The following EHMT1 variants were observed in gnomAD, a reference collection of about 807,000 sequenced individuals.
EHMT1 encodes histone-lysine N-methyltransferase EHMT1.
In EHMT1, 15 loss-of-function variants were observed where a neutral mutation model predicts 147.2. That is an observed-to-expected ratio of 0.10 (90% CI 0.07 to 0.16). The LOEUF (loss-of-function observed/expected upper bound fraction) is 0.16, where lower values mean the gene tolerates loss of function less well. Ranked by LOEUF, EHMT1 falls within the 10% of genes least tolerant of loss-of-function variation. EHMT1 has a pLI of 1.00. For missense variants in EHMT1, 1,587 were observed against 1,772.4 expected, an observed-to-expected ratio of 0.90 and a Z score of 1.88; for synonymous variants, 795 against 709.6, an observed-to-expected ratio of 1.12 and a Z score of -1.91.
intron 16 of EHMT1, among the ~76,000 whole-genome samples, chr9:137,792,619 C>T (rs1387935731): frequency 6.6e-6 from 1 of 152,140 alleles, no homozygotes; most frequent in Non-Finnish European, 1.5e-5. Flanking sequence ...GCAGGAGAAT[C>T]GATTGAACCC....
chr9:137,753,558 C>T (rs1288722683), intron 7 of EHMT1, among the ~76,000 whole-genome samples: 3 of 152,324 alleles, frequency 2.0e-5, no homozygotes, highest in Admixed American at 6.5e-5. Flanking sequence ...GCGAGGCCCA[C>T]GTGCTGCTGC....
Position 137,813,409 on chromosome 9 carries a change from G to T in EHMT1, c.3059G>T (p.Arg1020Leu), listed in dbSNP as rs376628665. 6.2e-7 allele frequency: 1 copy of T among 1,612,598 alleles called. No homozygotes were observed. Among genetic ancestry groups the T allele is most frequent in the Admixed American group, 1.7e-5 (1 of 59,896 alleles). The change falls in exon 21 of 27, where the codon CGC (arginine) becomes CTC (leucine). Residue 1020 changes from arginine to leucine, a missense_variant. Transcript: ENST00000460843. This position sits in a 1 kb window ranked among gnomAD's most constrained non-coding sequence, Gnocchi z 4.9. ...AGGGACATCGCTCGAGGCTACGAGCGCATCCCCATCCCCTGTGTCAACGCC... is the reference window on the plus strand; with the variant it reads ...AGGGACATCGCTCGAGGCTACGAGCTCATCCCCATCCCCTGTGTCAACGCC... ...VSRDIARGYE[R>L]IPIPCVNAVD...
At position 137,782,633 on chromosome 9, in the gene EHMT1, T is replaced by C. The variant is rs1257317794; in HGVS notation, c.2382+236T>C. Among the ~76,000 whole-genome samples the C allele has an allele frequency of 6.6e-6, 1 of 152,144 alleles. No individual in the cohort carries two copies. Among genetic ancestry groups the C allele is most frequent in the Non-Finnish European group, 1.5e-5 (1 of 68,026 alleles). On this transcript the variant is annotated intron_variant, in intron 15 of 26. Transcript: ENST00000460843. The surrounding 1 kb of genome is among the most constrained non-coding windows in gnomAD (Gnocchi z 5.7). ...AGCATGCCGCCATTTGGCTGTTTCT[T>C]GATTTGCTTTCTTTGGTTTTGGTTT...
Position 137,798,689 on chromosome 9 carries a change from C to T in EHMT1, c.2506-124C>T. 3.6e-6 allele frequency: 3 copies of T among 826,170 alleles called. No homozygotes were observed. In the South Asian group the frequency reaches 4.1e-5, roughly 11 times the overall value. The allele number at this position is 826,170 out of a possible 1,614,324, so 51.2% of individuals were successfully genotyped here. ...TCGGCCTCAGCCTGGGTTTCCTTGT[C>T]ATTTGAGCAGGACAGTACCCCACCC... On this transcript the variant is annotated intron_variant, in intron 16 of 26. Transcript: ENST00000460843.
chr9:137,681,585 C>T (rs1941942245), intron 1 of EHMT1, among the ~76,000 whole-genome samples: 1 of 152,120 alleles, frequency 6.6e-6, no homozygotes, highest in African/African-American at 2.4e-5. Context: ...CCTGCTTGTC[C>T]AGGTGACATC....
intron 1 of EHMT1, among the ~76,000 whole-genome samples, chr9:137,634,297 T>G (rs990971456): frequency 2.0e-5 from 3 of 152,352 alleles, no homozygotes; most frequent in Middle Eastern, 3.4e-3. Context: ...ATTTAAGTCT[T>G]TGATCCGTTT....
At chr9:137,720,980 G>A (rs1435427799) in intron 3 of EHMT1, among the ~76,000 whole-genome samples, 1 of 152,076 alleles carries the variant, frequency 6.6e-6, no homozygotes, top group Non-Finnish European at 1.5e-5. Flanking sequence ...CACCGGCGAT[G>A]TTGCAGTGGC....
In EHMT1 at chr9:137,775,518, G is replaced by T. The variant is rs1248388319; in HGVS notation, c.1791+266G>T. Among the ~76,000 whole-genome samples, 2 of 152,014 alleles carry T rather than the reference G, an allele frequency of 1.3e-5. No homozygotes were observed. Among genetic ancestry groups the T allele is most frequent in the Admixed American group, 1.3e-4 (2 of 15,292 alleles). On this transcript the variant is annotated intron_variant, in intron 11 of 26. Transcript: ENST00000460843. This position sits in a 1 kb window ranked among gnomAD's most constrained non-coding sequence, Gnocchi z 6.1. The stretch of plus-strand genomic sequence containing the variant: ...AGATGACTAGGACGGTGTGACCTGG[G>T]CTTCCAGGCCAGAGGAGGGAAGTGA...
intron 1 of EHMT1, among the ~76,000 whole-genome samples, chr9:137,636,568 C>T (rs955922641): frequency 6.6e-6 from 1 of 151,988 alleles, no homozygotes; most frequent in African/African-American, 2.4e-5. Context: ...GAGGAATTCC[C>T]TTTTATTTCT....
rs984117028 is a variant in EHMT1 at position 137,731,489 on chromosome 9, G to T, written c.823+2960G>T. The stretch of plus-strand genomic sequence containing the variant: ...AGGAGTGCAGATGGAGGAGTCCCCT[G>T]TTAACTGTCCCCGGGGGTGCAGAGT... On this transcript the variant is annotated intron_variant, in intron 4 of 26. Transcript: ENST00000460843. The surrounding 1 kb of genome is among the most constrained non-coding windows in gnomAD (Gnocchi z 4.3). Among the ~76,000 whole-genome samples, 2 of 152,214 alleles carry T rather than the reference G, an allele frequency of 1.3e-5. No homozygotes were observed. Among genetic ancestry groups the T allele is most frequent in the Non-Finnish European group, 2.9e-5 (2 of 68,034 alleles).
At chr9:137,832,282 G>A (rs1956253781) in intron 25 of EHMT1, among the ~76,000 whole-genome samples, 1 of 136,238 alleles carries the variant, frequency 7.3e-6, no homozygotes, top group South Asian at 2.3e-4. Context: ...CTTCCCACGT[G>A]GCCTCTGCAC....
Position 137,678,709 on chromosome 9 carries a change from T to TC in EHMT1, c.22-32248dup, listed in dbSNP as rs35207834. Among the ~76,000 whole-genome samples, 891 of 129,418 alleles carry TC rather than the reference T, an allele frequency of 6.9e-3. 7 individuals are homozygous for TC. Among genetic ancestry groups the TC allele is most frequent in the East Asian group, 0.027 (113 of 4,156 alleles). The allele number at this position is 129,418 out of a possible 152,430, so 84.9% of individuals were successfully genotyped here. On this transcript the variant is annotated intron_variant, in intron 1 of 26. Transcript: ENST00000460843. ...AGGCACAGTAAAAGTTATATGAATG[T>TC]CCCCCCCCCCGCTCCCCCCGAAAAA...
At chr9:137,678,143 A>G (rs1196563981) in intron 1 of EHMT1, among the ~76,000 whole-genome samples, 1 of 152,234 alleles carries the variant, frequency 6.6e-6, no homozygotes, top group Non-Finnish European at 1.5e-5. Context: ...AAAAACTAGT[A>G]TATAATCCAC....
rs557811092 is a variant in EHMT1, at chr9:137,696,076, C to CTT, written c.22-14889_22-14888dup. Among the ~76,000 whole-genome samples, 178 of 93,054 alleles carry CTT rather than the reference C, an allele frequency of 1.9e-3. 2 individuals carry two copies. The highest frequency in any genetic ancestry group is 7.8e-3 in the African/African-American group (175 of 22,298). The allele number at this position is 93,054 out of a possible 152,430, so 61.0% of individuals were successfully genotyped here. On this transcript the variant is annotated intron_variant, in intron 1 of 26. Coordinates refer to ENST00000460843, the MANE Select transcript of EHMT1 (RefSeq NM_024757.5). ...CCCTTAAATGTAATTTCTGGGGCTA[C>CTT]TTTGGATATTAATTGTTTTTTTCCA...
intron 1 of EHMT1, among the ~76,000 whole-genome samples, 152 bp from the exon 2 acceptor site, chr9:137,710,815 G>A (rs1471555847): frequency 2.0e-5 from 3 of 152,154 alleles, no homozygotes; most frequent in East Asian, 1.9e-4. Context: ...TGCTGGAGGC[G>A]ACTGTAACCA....
chr9:137,775,553 G>T lies in EHMT1; in HGVS notation c.1791+301G>T, dbSNP rs979706093. 2.6e-5 allele frequency among the ~76,000 whole-genome samples: 4 copies of T among 151,930 alleles called. No homozygotes were observed. The highest frequency in any genetic ancestry group is 4.4e-5 in the Non-Finnish European group (3 of 67,946). ...CAGAGGAGGGAAGTGAGGGTTGGGG[G>T]TGAAGGTGTCTAAGGCACTGGGGCT... is the stretch of plus-strand genomic sequence containing the variant. On this transcript the variant is annotated intron_variant, in intron 11 of 26. Coordinates refer to ENST00000460843, the MANE Select transcript of EHMT1 (RefSeq NM_024757.5). The surrounding 1 kb of genome is among the most constrained non-coding windows in gnomAD (Gnocchi z 6.1).
chr9:137,748,994 G>T (rs1339125336), intron 6 of EHMT1, among the ~76,000 whole-genome samples: 3 of 152,158 alleles, frequency 2.0e-5, no homozygotes, highest in Non-Finnish European at 2.9e-5. Flanking sequence ...TGCTGGTGAA[G>T]GGAGAGCTGG....
intron 18 of EHMT1, among the ~76,000 whole-genome samples, chr9:137,805,105 A>T (rs571806570): frequency 8.5e-6 from 1 of 118,006 alleles, no homozygotes; most frequent in African/African-American, 9.1e-5. Flanking sequence ...TGCATGTGTG[A>T]GTCAGTCATC....
At chr9:137,712,929 G>C (rs1005420229) in intron 2 of EHMT1, among the ~76,000 whole-genome samples, 1 of 151,870 alleles carries the variant, frequency 6.6e-6, no homozygotes, top group African/African-American at 2.4e-5. Context: ...TTAGGTTTTC[G>C]ATCAATTTTG....
Sources: allele counts gnomAD v4.1 joint callset (sites outside exome capture counted in the v4.1 genomes callset), GRCh38; gene constraint gnomAD v4.1.1; non-coding constraint Gnocchi (gnomAD v3.1); transcripts MANE v1.5; gene names NCBI Gene and HGNC (gene_info 2026-07-23, HGNC 2026-07-21).